EPHB1: variants seen among roughly 807,000 people sequenced by gnomAD.
EPHB1 encodes EPH receptor B1.
Under a neutral mutation model 94.4 loss-of-function variants are expected in EPHB1, and 30 were observed. The ratio of observed to expected loss-of-function variants is 0.32; its 90% CI spans 0.24 to 0.43. The LOEUF is 0.43. Ranked by LOEUF, EPHB1 falls within the 20% of genes least tolerant of loss-of-function variation. The probability of loss-of-function intolerance (pLI) is 1.00; values close to 1 mark genes in which losing one functional copy is unlikely to be tolerated. For missense variants in EPHB1, 1,055 were observed against 1,308.3 expected, an observed-to-expected ratio of 0.81 and a Z score of 2.99; for synonymous variants, 522 against 489.1, an observed-to-expected ratio of 1.07 and a Z score of -0.89.
At chr3:134,846,964 C>T (rs1006030961) in intron 1 of EPHB1, among the ~76,000 whole-genome samples, 8 of 152,152 alleles carry the variant, frequency 5.3e-5, no homozygotes, top group East Asian at 3.9e-4. Context: ...TCATTTCCTT[C>T]GGTGGCGGGA....
chr3:135,178,444 G>C (rs967991269), intron 9 of EPHB1, among the ~76,000 whole-genome samples: 1 of 137,714 alleles, frequency 7.3e-6, no homozygotes, highest in Non-Finnish European at 1.5e-5. Context: ...CTGGGCAACA[G>C]AGCAAGACTG....
At chr3:135,086,452 C>T (rs72975600) in intron 3 of EPHB1, among the ~76,000 whole-genome samples, 9,371 of 151,398 alleles carry the variant, frequency 0.062, 935 homozygotes, top group African/African-American at 0.21. Context: ...AGTCTCTCTC[C>T]TCACAAACAC....
At chr3:134,991,013 G>A (rs1202899277) in intron 3 of EPHB1, among the ~76,000 whole-genome samples, 2 of 151,876 alleles carry the variant, frequency 1.3e-5, no homozygotes, top group Non-Finnish European at 2.9e-5. Flanking sequence ...TTTTTTCCAC[G>A]TGGAGCTCTT....
chr3:134,947,819 G>A lies in EPHB1; in HGVS notation c.124-3552G>A, dbSNP rs191158992. On this transcript the variant is annotated intron_variant, in intron 2 of 15. Transcript: ENST00000398015. ...TATTTTATTTTATTTTTTTGAGACAGAGTCTTGCTCTGTCACCCAGGCTGG... is the reference window on the plus strand; with the variant it reads ...TATTTTATTTTATTTTTTTGAGACAAAGTCTTGCTCTGTCACCCAGGCTGG... 1.1e-4 allele frequency among the ~76,000 whole-genome samples: 17 copies of A among 152,172 alleles called. No individual in the cohort carries two copies. In the East Asian group the frequency reaches 2.9e-3, roughly 26 times the overall value.
chr3:134,993,565 C>A (rs188157258), intron 3 of EPHB1, among the ~76,000 whole-genome samples: 1 of 152,156 alleles, frequency 6.6e-6, no homozygotes, highest in African/African-American at 2.4e-5. Context: ...GGCCCCAGTA[C>A]AAGGAGCCCA....
chr3:135,193,165 C>T (rs1177487851), intron 11 of EPHB1, among the ~76,000 whole-genome samples: 1 of 152,194 alleles, frequency 6.6e-6, no homozygotes, highest in African/African-American at 2.4e-5. Flanking sequence ...TGCAGACATC[C>T]GCGGCCATCT....
Position 135,179,991 on chromosome 3 carries a change from C to A in EPHB1, c.1882+9C>A. On this transcript the variant is annotated intron_variant, in intron 10 of 15. Transcript: ENST00000398015. The stretch of plus-strand genomic sequence containing the variant: ...AGAGGTCATCGGAGCAGGTATGGCT[C>A]TTCCCTGTCTTGTTTCTGTTCTCCT... 1 of 1,613,518 alleles carries A rather than the reference C, an allele frequency of 6.2e-7. No individual in the cohort carries two copies. Among genetic ancestry groups the A allele is most frequent in the South Asian group, 1.1e-5 (1 of 91,036 alleles).
At chr3:135,201,790 C>G (rs923304776) in intron 12 of EPHB1, 101 bp downstream of exon 12, 26 of 1,155,978 alleles carry the variant, frequency 2.2e-5, no homozygotes, top group Non-Finnish European at 3.1e-5. Context: ...GGGAATGGAA[C>G]CTGAACTGAG....
intron 10 of EPHB1, among the ~76,000 whole-genome samples, chr3:135,186,442 G>C (rs556247841): frequency 2.6e-5 from 4 of 152,200 alleles, no homozygotes; most frequent in African/African-American, 9.7e-5. Context: ...AAGCTAGTGT[G>C]TTAAAACTTG....
At chr3:135,127,760 TAAG>T (rs1940262856) in intron 4 of EPHB1, among the ~76,000 whole-genome samples, 1 of 152,134 alleles carries the variant, frequency 6.6e-6, no homozygotes, top group Non-Finnish European at 1.5e-5. Flanking sequence ...CAAATCACAT[TAAG>T]AAGCAGGAGA....
intron 3 of EPHB1, among the ~76,000 whole-genome samples, chr3:134,992,083 T>TAAGCTTTTAG (rs1322351143): frequency 6.6e-6 from 1 of 152,180 alleles, no homozygotes; most frequent in East Asian, 1.9e-4. Flanking sequence ...TTAGGTCACC[T>TAAGCTTTTAG]GTGAGGAAAA....
chr3:135,246,997 A>G (rs1487021826), intron 13 of EPHB1, among the ~76,000 whole-genome samples: 2 of 152,354 alleles, frequency 1.3e-5, no homozygotes, highest in East Asian at 3.9e-4. Context: ...AAAAGAAAGA[A>G]TAATCAGTTG....
chr3:134,970,764 C>T (rs1005324567), intron 3 of EPHB1, among the ~76,000 whole-genome samples: 2 of 152,134 alleles, frequency 1.3e-5, no homozygotes, highest in African/African-American at 2.4e-5. Context: ...CTATCAGATG[C>T]GAGCTGGACT....
intron 2 of EPHB1, among the ~76,000 whole-genome samples, chr3:134,943,526 A>G (rs1458973588): frequency 6.6e-6 from 1 of 152,094 alleles, no homozygotes; most frequent in African/African-American, 2.4e-5. Flanking sequence ...GGTGTGTTGA[A>G]CTTGGGGAGC....
In EPHB1 at chr3:134,816,462, T is replaced by C. The variant is rs1232167583; in HGVS notation, c.58+20773T>C. Among the ~76,000 whole-genome samples the C allele has an allele frequency of 2.0e-5, 3 of 152,152 alleles. No individual in the cohort carries two copies. The South Asian group carries it at 6.2e-4, about 32-fold the overall frequency. ...TGGATTTGAATTCCACCTCTGACACTGAACAAACTACATAACCTCCCAGTT... is the reference window on the plus strand; with the variant it reads ...TGGATTTGAATTCCACCTCTGACACCGAACAAACTACATAACCTCCCAGTT... On this transcript the variant is annotated intron_variant, in intron 1 of 15. Transcript: ENST00000398015.
chr3:135,146,704 A>G (rs1274726483), intron 5 of EPHB1, among the ~76,000 whole-genome samples: 1 of 152,214 alleles, frequency 6.6e-6, no homozygotes, highest in Admixed American at 6.5e-5. Context: ...GCCCATTTGT[A>G]TCTATCACAT....
intron 2 of EPHB1, 41 bp downstream of exon 2, chr3:134,925,921 T>A: frequency 1.9e-6 from 3 of 1,546,026 alleles, no homozygotes; most frequent in Non-Finnish European, 2.6e-6. Context: ...TGCTATGAGG[T>A]CCTGGATCCA....
At chr3:135,039,178 A>T (rs1272188506) in intron 3 of EPHB1, among the ~76,000 whole-genome samples, 2 of 151,596 alleles carry the variant, frequency 1.3e-5, no homozygotes, top group Admixed American at 1.3e-4. Context: ...TGGTGTATTT[A>T]CAATCCCTGA....
intron 12 of EPHB1, among the ~76,000 whole-genome samples, chr3:135,238,465 G>A (rs1225048230): frequency 1.3e-5 from 2 of 152,220 alleles, no homozygotes; most frequent in Non-Finnish European, 2.9e-5. Flanking sequence ...CAGGCAGGAG[G>A]GAGCGGCTCC....
Sources: allele counts gnomAD v4.1 joint callset (sites outside exome capture counted in the v4.1 genomes callset), GRCh38; gene constraint gnomAD v4.1.1; transcripts MANE v1.5; gene names NCBI Gene and HGNC (gene_info 2026-07-23, HGNC 2026-07-21).